CMIP: variants seen among roughly 807,000 people sequenced by gnomAD.
CMIP encodes C-Maf-inducing protein.
A neutral mutation model predicts 97.3 loss-of-function variants in CMIP; 13 were observed. That is an observed-to-expected ratio of 0.13 (90% CI 0.09 to 0.21). CMIP has a LOEUF of 0.21. Ranked by LOEUF, CMIP falls within the 10% of genes least tolerant of loss-of-function variation. The probability of loss-of-function intolerance (pLI) is 1.00; values close to 1 mark genes in which losing one functional copy is unlikely to be tolerated. For missense variants in CMIP, 847 were observed against 1,024.9 expected (o/e 0.83, Z 2.37); for synonymous variants, 538 against 436.3 (o/e 1.23, Z -2.91).
rs751634232 is a variant in CMIP, at chr16:81,607,560, G to A, written c.301-7G>A. Reference sequence around the variant, plus strand: ...GCATATCTCTTCTTTTTCTTTTTTTGCTGCAGCCAACTGGGTACATGGAAA... The same window carrying A: ...GCATATCTCTTCTTTTTCTTTTTTTACTGCAGCCAACTGGGTACATGGAAA... On this transcript the variant is annotated splice_region_variant and splice_polypyrimidine_tract_variant and intron_variant, in intron 1 of 20. Coordinates refer to ENST00000537098, the MANE Select transcript of CMIP (RefSeq NM_198390.3). 2 of 1,607,824 alleles carry A rather than the reference G, an allele frequency of 1.2e-6. No individual in the cohort carries two copies. The highest frequency in any genetic ancestry group is 2.2e-5 in the East Asian group (1 of 44,856).
Position 81,531,135 on chromosome 16 carries a change from T to A in CMIP, c.301-76432T>A, listed in dbSNP as rs138346216. ...ATCATGCTGGAGGTCATGCGGGAGG[T>A]CATGCTGGAGGAGAGTGGGCCCAAA... On this transcript the variant is annotated intron_variant, in intron 1 of 20. Coordinates refer to ENST00000537098, the MANE Select transcript of CMIP (RefSeq NM_198390.3). Among the ~76,000 whole-genome samples the A allele has an allele frequency of 1.9e-3, 288 of 149,834 alleles. 1 individual carries two copies. The highest frequency in any genetic ancestry group is 6.8e-3 in the African/African-American group (279 of 40,950).
Position 81,579,981 on chromosome 16 carries a change from A to G in CMIP, c.301-27586A>G, listed in dbSNP as rs183589600. Among the ~76,000 whole-genome samples the G allele has an allele frequency of 9.8e-5, 15 of 152,368 alleles. No homozygotes were observed. In the East Asian group the frequency reaches 2.9e-3, roughly 29 times the overall value. ...TCTCAAAAAAAGAAATTAAAAAAAA[A>G]ATGATATGACAGGTTTAAAAAGTTT... On this transcript the variant is annotated intron_variant, in intron 1 of 20. Coordinates refer to ENST00000537098, the MANE Select transcript of CMIP (RefSeq NM_198390.3).
At chr16:81,600,782 G>T (rs1870250475) in intron 1 of CMIP, among the ~76,000 whole-genome samples, 1 of 152,238 alleles carries the variant, frequency 6.6e-6, no homozygotes, top group South Asian at 2.1e-4. Context: ...AGCCAGGGGA[G>T]GTGGGGACTG....
chr16:81,587,423 G>GC (rs2091400288), intron 1 of CMIP, among the ~76,000 whole-genome samples: 1 of 152,186 alleles, frequency 6.6e-6, no homozygotes, highest in East Asian at 1.9e-4. Context: ...GTACTCGGGG[G>GC]CCTGTGACCC....
At chr16:81,514,286 T>G (rs2089869065) in intron 1 of CMIP, among the ~76,000 whole-genome samples, 3 of 152,272 alleles carry the variant, frequency 2.0e-5, no homozygotes, top group Non-Finnish European at 4.4e-5. Context: ...CTGAGAAAGC[T>G]TCCCCTTTGT....
intron 1 of CMIP, among the ~76,000 whole-genome samples, chr16:81,584,174 G>A (rs1435238076): frequency 5.3e-5 from 8 of 152,224 alleles, no homozygotes; most frequent in East Asian, 3.9e-4. Context: ...GGCCCCTAGC[G>A]CCCACCAGCA....
chr16:81,550,586 C>T (rs981339175), intron 1 of CMIP, among the ~76,000 whole-genome samples: 15 of 152,136 alleles, frequency 9.9e-5, no homozygotes, highest in Admixed American at 8.5e-4. Context: ...CTAGGTGTGG[C>T]CTGGGGTCAC....
intron 2 of CMIP, chr16:81,610,611 C>G (rs1449863202): frequency 2.3e-6 from 2 of 872,196 alleles, no homozygotes; most frequent in South Asian, 1.0e-4. Context: ...GGGAGGTAGA[C>G]CTGGATCGGC....
intron 1 of CMIP, among the ~76,000 whole-genome samples, chr16:81,565,546 A>G (rs1169477598): frequency 6.6e-6 from 1 of 152,158 alleles, no homozygotes; most frequent in East Asian, 1.9e-4. Flanking sequence ...CATCCCCCAG[A>G]AGGAACCCAT....
intron 3 of CMIP, among the ~76,000 whole-genome samples, chr16:81,647,917 CCGCACCCGCAGAGCCG>C: frequency 7.7e-6 from 1 of 129,250 alleles, no homozygotes; most frequent in African/African-American, 3.1e-5. Context: ...CACCCTCCCC[CCGCACCCGCAGAGCCG>C]TAGCCCACCC....
intron 1 of CMIP, among the ~76,000 whole-genome samples, chr16:81,468,932 G>A (rs1405667312): frequency 6.6e-6 from 1 of 152,234 alleles, no homozygotes; most frequent in Non-Finnish European, 1.5e-5. Context: ...TGAGCTGCCT[G>A]CATGCTGGCC....
At chr16:81,704,447 CCTCCCCTACCCA>C (rs1453339890) in intron 18 of CMIP, among the ~76,000 whole-genome samples, 4 of 1,720 alleles carry the variant, frequency 2.3e-3, no homozygotes, top group Non-Finnish European at 4.6e-3. Context: ...GCCCCCTCCC[CCTCCCCTACCCA>C]CTTACCCTCC....
chr16:81,647,269 C>A (rs1261105118), intron 3 of CMIP, among the ~76,000 whole-genome samples: 1 of 152,206 alleles, frequency 6.6e-6, no homozygotes, highest in African/African-American at 2.4e-5. Context: ...TAAAGCCAGA[C>A]CTTGGCAAAC....
intron 1 of CMIP, among the ~76,000 whole-genome samples, chr16:81,516,085 G>A (rs1471351391): frequency 6.6e-6 from 1 of 152,124 alleles, no homozygotes; most frequent in African/African-American, 2.4e-5. Context: ...CATTGCCCCC[G>A]TTTGGGTTCT....
intron 1 of CMIP, among the ~76,000 whole-genome samples, chr16:81,542,265 CT>C (rs1567569191): frequency 6.6e-6 from 1 of 152,178 alleles, no homozygotes; most frequent in East Asian, 1.9e-4. Context: ...GGAGCCAAGT[CT>C]TTTACCTGTG....
chr16:81,632,436 A>G (rs186387299), intron 3 of CMIP, among the ~76,000 whole-genome samples: 244 of 152,252 alleles, frequency 1.6e-3, no homozygotes, highest in Non-Finnish European at 2.6e-3. Flanking sequence ...GCTCCTTAAT[A>G]TATGTCGCAG....
At chr16:81,706,869 G>T in intron 19 of CMIP, 145 bp from the exon 20 acceptor site, 1 of 685,004 alleles carries the variant, frequency 1.5e-6, no homozygotes, top group East Asian at 2.5e-5. Flanking sequence ...ACCTACCCTG[G>T]CTGTGTCTAC....
At chr16:81,449,500 A>C (rs1171378426) in intron 1 of CMIP, among the ~76,000 whole-genome samples, 2 of 152,256 alleles carry the variant, frequency 1.3e-5, no homozygotes, top group African/African-American at 2.4e-5. Context: ...CCTAAGAATT[A>C]AAATCTATGT....
At chr16:81,584,133 C>T (rs1400633169) in intron 1 of CMIP, among the ~76,000 whole-genome samples, 3 of 152,022 alleles carry the variant, frequency 2.0e-5, no homozygotes, top group East Asian at 1.9e-4. Context: ...GAGCAGTAGG[C>T]GTGGTTGCCA....
Sources: gnomAD v4.1 joint callset for allele counts (sites outside exome capture counted in the v4.1 genomes callset) on GRCh38, gnomAD v4.1.1 for gene constraint, MANE v1.5 for transcripts, NCBI Gene and HGNC (gene_info 2026-07-23, HGNC 2026-07-21) for gene names.